Variants in PCYT1B observed in about 807,000 individuals in gnomAD.
PCYT1B encodes the protein choline-phosphate cytidylyltransferase B.
Under a neutral mutation model 26.4 loss-of-function variants are expected in PCYT1B, and 10 were observed. The ratio of observed to expected loss-of-function variants is 0.38; its 90% CI spans 0.23 to 0.64. PCYT1B has a LOEUF of 0.64. PCYT1B is among the 30% of genes least tolerant of loss of function. The probability of loss-of-function intolerance (pLI) is 0.56; values close to 1 mark genes in which losing one functional copy is unlikely to be tolerated. For missense variants in PCYT1B, 161 were observed against 292.7 expected, an observed-to-expected ratio of 0.55 and a Z score of 3.28; for synonymous variants, 131 against 108.4, an observed-to-expected ratio of 1.21 and a Z score of -1.29.
intron 1 of PCYT1B, among the ~76,000 whole-genome samples, chrX:24,624,975 G>A (rs187753601): frequency 1.8e-5 from 2 of 112,558 alleles, no homozygotes; most frequent in Non-Finnish European, 3.7e-5. Context: ...GGTTAATACC[G>A]TGTCTATAAC....
intron 4 of PCYT1B, among the ~76,000 whole-genome samples, chrX:24,588,039 G>A (rs977573187): frequency 8.9e-6 from 1 of 112,367 alleles, no homozygotes; most frequent in South Asian, 3.7e-4. Flanking sequence ...TCCTGAAAAC[G>A]AGTGACCCCT....
intron 2 of PCYT1B, among the ~76,000 whole-genome samples, chrX:24,615,069 C>T (rs1161149604): frequency 1.8e-5 from 2 of 111,995 alleles, no homozygotes; most frequent in Admixed American, 9.5e-5. Context: ...ATCCACTCGC[C>T]TCGGCCTCCC....
Position 24,579,439 on chromosome X carries a change from C to T in PCYT1B, c.585G>A (p.Gln195=). The stretch of plus-strand genomic sequence containing the variant: ...CCGATGTTGAGATGCCTTCTGTTCT[C>T]TGCGTTGGAACGAACATCCCTGTTC... The part of the protein sequence containing the change: ...IKEAGMFVPT[Q]RTEGISTSDI... The change falls in exon 6 of 8, where the codon CAG becomes CAA. Residue 195 remains glutamine, a synonymous_variant. Transcript: ENST00000379144. 1 of 1,209,915 alleles carries T rather than the reference C, an allele frequency of 8.3e-7. No homozygotes were observed. Among genetic ancestry groups the T allele is most frequent in the African/African-American group, 1.7e-5 (1 of 57,744 alleles).
At position 24,562,316 on chromosome X, in the gene PCYT1B, C is replaced by T. The variant is rs781320489; in HGVS notation, c.1087G>A (p.Glu363Lys). Residue 363 changes from glutamate to lysine, a missense_variant, in exon 8 of 8, where the codon GAG (glutamate) becomes AAG (lysine). This residue lies in a region of PCYT1B where 38 missense variants were observed against 55.9 expected (regional missense o/e 0.68). Transcript: ENST00000379144. ...CTCTACTTTTCATCCTCATCCCCCT[C>T]GCTCATGCTGCTGATAGAGGCTGAG... ...AASASISSMS[E>K]GDEDEK 6.0e-6 allele frequency: 7 copies of T among 1,161,502 alleles called. No homozygotes were observed. Among genetic ancestry groups the T allele is most frequent in the African/African-American group, 1.8e-5 (1 of 56,416 alleles).
At chrX:24,618,749 A>G (rs1352806226) in intron 2 of PCYT1B, among the ~76,000 whole-genome samples, 2 of 109,237 alleles carry the variant, frequency 1.8e-5, no homozygotes, top group Non-Finnish European at 3.8e-5. Context: ...TCCCAAAGTA[A>G]GTAGCTGGTA....
intron 6 of PCYT1B, among the ~76,000 whole-genome samples, chrX:24,576,577 T>C (rs1417986320): frequency 2.7e-5 from 3 of 111,864 alleles, no homozygotes; most frequent in Non-Finnish European, 5.6e-5. Context: ...AGTGCTGGGA[T>C]TACATGCATG....
upstream of PCYT1B, among the ~76,000 whole-genome samples, chrX:24,651,467 AAAAAAATATATATATATATATAT>A (rs1926767303): frequency 3.3e-5 from 1 of 30,445 alleles, no homozygotes; most frequent in African/African-American, 1.2e-4. Flanking sequence ...AAAAAAAAAA[AAAAAAATATATATATATATATAT>A]ATATATATAT....
chrX:24,670,459 G>A (rs1927233689), intron 1 of PCYT1B, among the ~76,000 whole-genome samples: 1 of 111,974 alleles, frequency 8.9e-6, no homozygotes, highest in African/African-American at 3.2e-5. Context: ...CTTGGGTGGG[G>A]GTATCAATCT....
At chrX:24,624,193 T>A (rs1049654639) in intron 1 of PCYT1B, among the ~76,000 whole-genome samples, 18 of 110,261 alleles carry the variant, frequency 1.6e-4, no homozygotes, top group South Asian at 3.9e-4. Context: ...ATGGTCTTGA[T>A]CTCCTGACCT....
Position 24,561,104 on chromosome X carries a change from C to T in PCYT1B, c.*1189G>A, listed in dbSNP as rs1234917511. Reference sequence around the variant, plus strand: ...TATAGGAGGCCACGAGAACAAAATACTAATTTCCTGGTTGGGATAAAACGT... The same window carrying T: ...TATAGGAGGCCACGAGAACAAAATATTAATTTCCTGGTTGGGATAAAACGT... On this transcript the variant is annotated 3_prime_UTR_variant, in exon 8 of 8. Coordinates refer to ENST00000379144, the MANE Select transcript of PCYT1B (RefSeq NM_004845.5). 2 of 112,650 alleles carry T rather than the reference C, an allele frequency of 1.8e-5. No homozygotes were observed. Among genetic ancestry groups the T allele is most frequent in the Non-Finnish European group, 3.8e-5 (2 of 53,313 alleles). The allele number at this position is 112,650 out of a possible 1,213,427, so 9.3% of individuals were successfully genotyped here. A position where few individuals can be genotyped will look rare whatever the true frequency, so the allele number is the denominator to read the frequency against.
At chrX:24,590,458 C>G (rs1411898324) in intron 3 of PCYT1B, among the ~76,000 whole-genome samples, 1 of 111,901 alleles carries the variant, frequency 8.9e-6, no homozygotes, top group Non-Finnish European at 1.9e-5. Flanking sequence ...ACTTTCATAT[C>G]TTTTTATTTT....
At chrX:24,588,353 G>GT (rs1271058116) in intron 4 of PCYT1B, among the ~76,000 whole-genome samples, 1 of 111,159 alleles carries the variant, frequency 9.0e-6, no homozygotes, top group African/African-American at 3.3e-5. Flanking sequence ...CCTTAAACAG[G>GT]TTTTTTTGTT....
At chrX:24,579,002 C>G (rs766666087) in intron 6 of PCYT1B, among the ~76,000 whole-genome samples, 2 of 110,482 alleles carry the variant, frequency 1.8e-5, no homozygotes, top group Non-Finnish European at 3.8e-5. Flanking sequence ...GCGTTAAGGA[C>G]ACTGCACAGG....
chrX:24,571,851 G>A (rs1054063964), intron 7 of PCYT1B, among the ~76,000 whole-genome samples: 10 of 111,452 alleles, frequency 9.0e-5, no homozygotes, highest in South Asian at 7.7e-4. Context: ...GGGAGGCTGA[G>A]GTGGGAGGAT....
At position 24,665,802 on chromosome X, in the gene PCYT1B, A is replaced by G. The variant is rs1396945678; in HGVS notation, c.63+6768T>C. 5.4e-5 allele frequency among the ~76,000 whole-genome samples: 6 copies of G among 111,145 alleles called. No individual in the cohort carries two copies. The East Asian group carries it at 1.4e-3, about 26-fold the overall frequency. ...CATTTGCCACCCTAAGGTAAGATGTAGTAACCACATGGAAAAAAATTTATG... is the reference window on the plus strand; with the variant it reads ...CATTTGCCACCCTAAGGTAAGATGTGGTAACCACATGGAAAAAAATTTATG... On this transcript the variant is annotated intron_variant, in intron 1 of 7. Transcript: ENST00000379145.
intron 3 of PCYT1B, among the ~76,000 whole-genome samples, 192 bp from the exon 4 acceptor site, chrX:24,590,366 C>T (rs887218253): frequency 1.8e-5 from 2 of 111,963 alleles, no homozygotes; most frequent in Non-Finnish European, 3.8e-5. Flanking sequence ...ACCGACAATT[C>T]AGAATTTCAT....
intron 1 of PCYT1B, among the ~76,000 whole-genome samples, chrX:24,669,631 T>C (rs917642658): frequency 9.0e-6 from 1 of 110,553 alleles, no homozygotes; most frequent in Non-Finnish European, 1.9e-5. Flanking sequence ...GGCTACCTTA[T>C]TCAACAGTGT....
At chrX:24,566,188 A>G (rs1040296369) in intron 7 of PCYT1B, among the ~76,000 whole-genome samples, 4 of 112,066 alleles carry the variant, frequency 3.6e-5, no homozygotes. Flanking sequence ...AAAAACTTCT[A>G]TTTTCTGAGG....
At chrX:24,592,372 C>T (rs758485790) in intron 3 of PCYT1B, among the ~76,000 whole-genome samples, 4 of 111,577 alleles carry the variant, frequency 3.6e-5, no homozygotes, top group Non-Finnish European at 7.5e-5. Context: ...GCACAGCCAA[C>T]AGTCACACTC....
Sources: allele counts gnomAD v4.1 joint callset (sites outside exome capture counted in the v4.1 genomes callset), GRCh38; gene constraint gnomAD v4.1.1; regional missense constraint gnomAD v4.1.1; transcripts MANE v1.5; gene names NCBI Gene and HGNC (gene_info 2026-07-23, HGNC 2026-07-21).